BPTF: variants seen among roughly 807,000 people sequenced by gnomAD.
The protein encoded by BPTF is bromodomain PHD finger transcription factor.
In BPTF, 18 loss-of-function variants were observed where a neutral mutation model predicts 292.5. The observed-to-expected ratio is 0.06, with a 90% CI of 0.04 to 0.09. The LOEUF is 0.09. Among genes scored for constraint, BPTF ranks in the 10% least tolerant of loss-of-function variants. The pLI, the probability that BPTF is intolerant of heterozygous loss-of-function variation, is 1.00. For synonymous variants in BPTF, 1,225 were observed against 1,251.9 expected (o/e 0.98, Z 0.45); for missense variants, 2,726 against 3,498.7 (o/e 0.78, Z 5.57).
At position 67,946,096 on chromosome 17, in the gene BPTF, T is replaced by C. The variant is rs2065794998; in HGVS notation, c.7388T>C (p.Val2463Ala). Residue 2463 changes from valine to alanine, a missense_variant, in exon 21 of 28, where the codon GTG becomes GCG. Val to Ala is a moderately conservative substitution (Grantham distance 64). Transcript: ENST00000306378. ...VAQIQAQQSG[V>A]PQQIKLQLPI... ...CAGATACAGGCTCAGCAAAGTGGTG[T>C]GCCCCAGCAAATCAAACTCCAGTTA... 1.2e-6 allele frequency: 2 copies of C among 1,614,172 alleles called. No homozygotes were observed. The highest frequency in any genetic ancestry group is 1.7e-6 in the Non-Finnish European group (2 of 1,180,038).
chr17:67,875,552 G>T lies in BPTF; in HGVS notation c.1864+532G>T, dbSNP rs200947015. The T allele has an allele frequency of 3.7e-4, 561 of 1,498,440 alleles. 1 individual carries two copies. Among genetic ancestry groups the T allele is most frequent in the Non-Finnish European group, 4.8e-4 (533 of 1,117,018 alleles). The allele number at this position is 1,498,440 out of a possible 1,614,324, so 92.8% of individuals were successfully genotyped here. A position where few individuals can be genotyped will look rare whatever the true frequency, so the allele number is the denominator to read the frequency against. On this transcript the variant is annotated intron_variant, in intron 4 of 27. Transcript: ENST00000306378. ...TTGAAGTTTTGTTGTGCATTTTGCT[G>T]TAGAGCCAACAGAAGTTGGGGATAA...
chr17:67,919,935 T>G (rs1379971839), intron 12 of BPTF, 80 bp from the exon 13 acceptor site: 1 of 1,408,642 alleles, frequency 7.1e-7, no homozygotes, highest in Non-Finnish European at 9.7e-7. Flanking sequence ...GTGTGTCTCT[T>G]TTTGAAAGCA....
chr17:67,843,620 A>G (rs960826265), intron 1 of BPTF, among the ~76,000 whole-genome samples: 1 of 149,732 alleles, frequency 6.7e-6, no homozygotes, highest in African/African-American at 2.4e-5. Context: ...ATATCTGTAT[A>G]TATCTAGATA....
In BPTF at chr17:67,854,868, A is replaced by G; in HGVS notation, c.1436+106A>G. The G allele has an allele frequency of 2.7e-6, 2 of 737,210 alleles. No individual in the cohort carries two copies. The highest frequency in any genetic ancestry group is 5.4e-5 in the East Asian group (2 of 37,080). The allele number at this position is 737,210 out of a possible 1,614,324, so 45.7% of individuals were successfully genotyped here. On this transcript the variant is annotated intron_variant, in intron 2 of 27. Transcript: ENST00000306378. This position sits in a 1 kb window ranked among gnomAD's most constrained non-coding sequence, Gnocchi z 5.6. The stretch of plus-strand genomic sequence containing the variant: ...CTGTTGATGTGGTATAAACCTTTGT[A>G]ACTTAATAGTTATACAGTTAAATAA...
intron 4 of BPTF, among the ~76,000 whole-genome samples, chr17:67,880,287 C>A (rs757724877): frequency 2.4e-4 from 36 of 151,914 alleles, no homozygotes; most frequent in Non-Finnish European, 3.8e-4. Flanking sequence ...AAATTAATTT[C>A]TGGTCTTAGT....
chr17:67,935,874 A>G (rs531674302), intron 18 of BPTF, among the ~76,000 whole-genome samples: 14 of 152,316 alleles, frequency 9.2e-5, no homozygotes, highest in African/African-American at 2.2e-4. Flanking sequence ...AGAATTTTGT[A>G]TAGGTATCCT....
intron 11 of BPTF, among the ~76,000 whole-genome samples, chr17:67,918,350 A>G (rs2063195370): frequency 6.6e-6 from 1 of 152,130 alleles, no homozygotes; most frequent in African/African-American, 2.4e-5. Flanking sequence ...CTATTTCTCT[A>G]TATTTGGTCC....
At chr17:67,953,799 C>T (rs2066628002) in intron 23 of BPTF, among the ~76,000 whole-genome samples, 1 of 151,554 alleles carries the variant, frequency 6.6e-6, no homozygotes, top group African/African-American at 2.4e-5. Flanking sequence ...AGGCTTGTCT[C>T]GAACTCCTGA....
Position 67,854,214 on chromosome 17 carries a change from TGAA to T in BPTF, c.894_896del (p.Glu298del), listed in dbSNP as rs1395883787. On this transcript the variant is annotated inframe_deletion, in exon 2 of 28. Transcript: ENST00000306378. This position sits in a 1 kb window ranked among gnomAD's most constrained non-coding sequence, Gnocchi z 5.6. ...TTGTGCTTTTGAAAGCAGTTCTGCG[TGAA>T]GAAGACACTTCCAATACTACCTTTG... 6.2e-7 allele frequency: 1 copy of T among 1,614,208 alleles called. No individual in the cohort carries two copies. The highest frequency in any genetic ancestry group is 8.5e-7 in the Non-Finnish European group (1 of 1,180,044).
intron 7 of BPTF, among the ~76,000 whole-genome samples, chr17:67,899,066 C>T (rs994948954): frequency 8.6e-5 from 13 of 152,046 alleles, no homozygotes; most frequent in Non-Finnish European, 1.2e-4. Flanking sequence ...TTTTGTTCCA[C>T]GCTGAACTCC....
At chr17:67,954,523 C>A (rs1555680070) in intron 23 of BPTF, among the ~76,000 whole-genome samples, 1 of 152,130 alleles carries the variant, frequency 6.6e-6, no homozygotes, top group African/African-American at 2.4e-5. Context: ...TCTCCCTTAC[C>A]CCCCAGAAAC....
intron 7 of BPTF, among the ~76,000 whole-genome samples, chr17:67,901,412 TC>T (rs1364413772): frequency 6.6e-6 from 1 of 151,914 alleles, no homozygotes; most frequent in Non-Finnish European, 1.5e-5. Context: ...AGATAAAAAA[TC>T]CAGATGCCAT....
chr17:67,939,042 A>G (rs2065153663), intron 18 of BPTF, among the ~76,000 whole-genome samples: 1 of 152,188 alleles, frequency 6.6e-6, no homozygotes, highest in Non-Finnish European at 1.5e-5. Context: ...AGGCACACAG[A>G]GCTGGCAGTA....
intron 1 of BPTF, among the ~76,000 whole-genome samples, chr17:67,830,866 C>T (rs530956014): frequency 1.3e-5 from 2 of 152,282 alleles, no homozygotes; most frequent in African/African-American, 2.4e-5. Context: ...CTTTTTCACT[C>T]CTGAACACCC....
intron 18 of BPTF, among the ~76,000 whole-genome samples, chr17:67,939,813 G>T: frequency 6.6e-6 from 1 of 152,212 alleles, no homozygotes. Context: ...CCAGGAGGCA[G>T]AGGTTGCAGT....
chr17:67,884,466 A>G (rs2060626190), intron 4 of BPTF, among the ~76,000 whole-genome samples: 1 of 151,150 alleles, frequency 6.6e-6, no homozygotes. Flanking sequence ...CCCAGGCTAG[A>G]GTGCAATGGC....
At chr17:67,870,766 C>CT (rs11418428) in intron 3 of BPTF, among the ~76,000 whole-genome samples, 82,947 of 105,904 alleles carry the variant, frequency 0.78, 34,077 homozygotes, top group Non-Finnish European at 0.87. Context: ...TGCTTCATTT[C>CT]TTTTTTTTTT....
chr17:67,857,774 A>ATTTC (rs1325947890), intron 2 of BPTF, among the ~76,000 whole-genome samples: 3 of 127,398 alleles, frequency 2.4e-5, no homozygotes, highest in Non-Finnish European at 3.3e-5. Context: ...GACTAACAAT[A>ATTTC]TTTCTTTCTT....
intron 1 of BPTF, among the ~76,000 whole-genome samples, chr17:67,843,287 C>T (rs868844935): frequency 1.3e-5 from 2 of 149,556 alleles, no homozygotes; most frequent in Non-Finnish European, 1.5e-5. Context: ...GATATGTAGA[C>T]ATAGATACAT....
Sources: allele counts gnomAD v4.1 joint callset (sites outside exome capture counted in the v4.1 genomes callset), GRCh38; gene constraint gnomAD v4.1.1; non-coding constraint Gnocchi (gnomAD v3.1); transcripts MANE v1.5; gene names NCBI Gene and HGNC (gene_info 2026-07-23, HGNC 2026-07-21).